CYP19A1: variants seen among roughly 807,000 people sequenced by gnomAD.
CYP19A1 encodes the protein cytochrome P450 family 19 subfamily A member 1.
CYP19A1 carries 32 observed loss-of-function variants against 44.4 expected under a neutral mutation model. The ratio of observed to expected loss-of-function variants is 0.72; its 90% CI spans 0.54 to 0.97. CYP19A1 has a LOEUF of 0.97. Ranked by LOEUF, CYP19A1 falls within the 50% of genes least tolerant of loss-of-function variation. The probability of loss-of-function intolerance (pLI) is 0.00; values close to 1 mark genes in which losing one functional copy is unlikely to be tolerated. For missense variants in CYP19A1, 598 were observed against 637.8 expected, an observed-to-expected ratio of 0.94 and a Z score of 0.67; for synonymous variants, 212 against 215.6, an observed-to-expected ratio of 0.98 and a Z score of 0.14.
At chr15:51,246,066 A>G (rs2141131316) in intron 1 of CYP19A1, among the ~76,000 whole-genome samples, 1 of 152,330 alleles carries the variant, frequency 6.6e-6, no homozygotes, top group East Asian at 1.9e-4. Flanking sequence ...GGACCTCTGA[A>G]TGCCACAGCT....
chr15:51,328,171 A>C (rs2036641756), intron 1 of CYP19A1, among the ~76,000 whole-genome samples: 1 of 152,234 alleles, frequency 6.6e-6, no homozygotes. Context: ...AGTCCTGAAC[A>C]AATATGTACC....
At chr15:51,216,771 G>A (rs1169507636) in intron 6 of CYP19A1, among the ~76,000 whole-genome samples, 4 of 152,160 alleles carry the variant, frequency 2.6e-5, no homozygotes, top group Admixed American at 6.5e-5. Context: ...ACACTTGGAC[G>A]GGGTGGGGTC....
intron 1 of CYP19A1, among the ~76,000 whole-genome samples, chr15:51,256,453 C>T: frequency 6.6e-6 from 1 of 152,190 alleles, no homozygotes; most frequent in East Asian, 1.9e-4. Flanking sequence ...GGAAGATATA[C>T]ACCCTGACAC....
chr15:51,303,338 C>A (rs548323641), intron 1 of CYP19A1, among the ~76,000 whole-genome samples: 7 of 152,218 alleles, frequency 4.6e-5, no homozygotes, highest in Admixed American at 4.6e-4. Flanking sequence ...ATCATAGCCC[C>A]TTAGTACTCT....
chr15:51,255,998 T>C (rs2034499255), intron 1 of CYP19A1, among the ~76,000 whole-genome samples: 1 of 152,188 alleles, frequency 6.6e-6, no homozygotes, highest in African/African-American at 2.4e-5. Flanking sequence ...TGCCCAATTT[T>C]ATGGGAGCCC....
intron 2 of CYP19A1, chr15:51,242,160 G>A (rs1032580250): frequency 1.8e-4 from 28 of 153,296 alleles, no homozygotes; most frequent in Middle Eastern, 5.1e-4. Context: ...AGATTCTCCC[G>A]GGGTATGATG....
chr15:51,254,900 C>T (rs907055524), intron 1 of CYP19A1, among the ~76,000 whole-genome samples: 2 of 152,100 alleles, frequency 1.3e-5, no homozygotes, highest in Non-Finnish European at 2.9e-5. Flanking sequence ...CTCAAATGCA[C>T]AGTGATTACT....
intron 1 of CYP19A1, among the ~76,000 whole-genome samples, chr15:51,254,683 T>A (rs1419013011): frequency 1.3e-5 from 2 of 152,218 alleles, no homozygotes; most frequent in East Asian, 3.8e-4. Flanking sequence ...TCCTTTCGGG[T>A]CGTCCATTCA....
intron 1 of CYP19A1, among the ~76,000 whole-genome samples, chr15:51,268,519 TCCCCCC>T (rs34270729): frequency 0.022 from 3,107 of 138,932 alleles, 157 homozygotes; most frequent in Non-Finnish European, 0.02. Context: ...ATCGTTTCCT[TCCCCCC>T]CCCCCTTTTT....
At chr15:51,254,877 G>A (rs949533999) in intron 1 of CYP19A1, among the ~76,000 whole-genome samples, 4 of 152,130 alleles carry the variant, frequency 2.6e-5, no homozygotes, top group African/African-American at 7.2e-5. Context: ...TTCCTTTCAA[G>A]GTGTTGGCAT....
chr15:51,264,336 C>T (rs2034839141), intron 1 of CYP19A1, among the ~76,000 whole-genome samples: 1 of 152,058 alleles, frequency 6.6e-6, no homozygotes, highest in African/African-American at 2.4e-5. Context: ...TTGGTTGGAT[C>T]AGCCACAAGG....
intron 1 of CYP19A1, among the ~76,000 whole-genome samples, chr15:51,265,644 T>C (rs1346882533): frequency 2.0e-5 from 3 of 152,152 alleles, no homozygotes; most frequent in African/African-American, 7.2e-5. Context: ...AGTTTTACAT[T>C]TGCTTTCGTT....
chr15:51,326,349 C>T (rs2036608294), intron 1 of CYP19A1, among the ~76,000 whole-genome samples: 1 of 152,302 alleles, frequency 6.6e-6, no homozygotes, highest in Non-Finnish European at 1.5e-5. Flanking sequence ...ATTGCATGGG[C>T]TGCCTCAGAT....
intron 1 of CYP19A1, among the ~76,000 whole-genome samples, chr15:51,334,352 T>G (rs2036745542): frequency 6.6e-6 from 1 of 151,438 alleles, no homozygotes; most frequent in Non-Finnish European, 1.5e-5. Context: ...TGTGAAATGC[T>G]TATAAAACCT....
chr15:51,326,223 A>G (rs1365639327), intron 1 of CYP19A1, among the ~76,000 whole-genome samples: 2 of 152,178 alleles, frequency 1.3e-5, no homozygotes, highest in Non-Finnish European at 2.9e-5. Context: ...GCCACAGAGT[A>G]AAGATTTTTC....
At chr15:51,278,935 T>C (rs916537582) in intron 1 of CYP19A1, 4 of 152,218 alleles carry the variant, frequency 2.6e-5, no homozygotes, top group Admixed American at 6.5e-5. Flanking sequence ...CATTTTTAAA[T>C]GAAAGACTCA....
intron 8 of CYP19A1, among the ~76,000 whole-genome samples, chr15:51,214,207 G>A (rs557488182): frequency 6.6e-6 from 1 of 152,218 alleles, no homozygotes; most frequent in Non-Finnish European, 1.5e-5. Context: ...TAAGAAATGT[G>A]TTCCTAAAAG....
intron 1 of CYP19A1, among the ~76,000 whole-genome samples, chr15:51,287,962 G>A (rs1031749910): frequency 6.6e-6 from 1 of 152,182 alleles, no homozygotes; most frequent in African/African-American, 2.4e-5. Flanking sequence ...TAAAATATGA[G>A]AATAGAGAGC....
chr15:51,291,431 G>A (rs1030787645), intron 1 of CYP19A1, among the ~76,000 whole-genome samples: 3 of 152,150 alleles, frequency 2.0e-5, no homozygotes, highest in Non-Finnish European at 2.9e-5. Context: ...ATAAAAAATG[G>A]GGAAGGAGAC....
Sources: allele counts gnomAD v4.1 joint callset (sites outside exome capture counted in the v4.1 genomes callset), GRCh38; gene constraint gnomAD v4.1.1; transcripts MANE v1.5; gene names NCBI Gene and HGNC (gene_info 2026-07-23, HGNC 2026-07-21).